The following NKAIN2 variants were observed in gnomAD, a reference collection of about 807,000 sequenced individuals.
NKAIN2 encodes the protein sodium/potassium transporting ATPase interacting 2, also known as sodium/potassium-transporting ATPase subunit beta-1-interacting protein 2.
NKAIN2 carries 14 observed loss-of-function variants against 32.6 expected under a neutral mutation model. The ratio of observed to expected loss-of-function variants is 0.43; its 90% CI spans 0.28 to 0.67. The LOEUF is 0.67. NKAIN2 is among the 30% of genes least tolerant of loss of function. The pLI, the probability that NKAIN2 is intolerant of heterozygous loss-of-function variation, is 0.17. For synonymous variants in NKAIN2, 80 were observed against 87.2 expected (o/e 0.92, Z 0.46); for missense variants, 198 against 258.3 (o/e 0.77, Z 1.60).
intron 1 of NKAIN2, among the ~76,000 whole-genome samples, chr6:124,095,550 G>C (rs1784614660): frequency 6.6e-6 from 1 of 152,044 alleles, no homozygotes; most frequent in Non-Finnish European, 1.5e-5. Flanking sequence ...CCTTTATGCA[G>C]CCTAATTTTA....
intron 4 of NKAIN2, among the ~76,000 whole-genome samples, chr6:124,762,091 A>G (rs1778295142): frequency 6.6e-6 from 1 of 152,194 alleles, no homozygotes; most frequent in African/African-American, 2.4e-5. Flanking sequence ...CTGCTATAAC[A>G]AAATACCACA....
intron 3 of NKAIN2, among the ~76,000 whole-genome samples, chr6:124,656,184 C>T (rs1784532353): frequency 6.6e-6 from 1 of 152,182 alleles, no homozygotes; most frequent in Non-Finnish European, 1.5e-5. Flanking sequence ...GGACCTGATT[C>T]TTCTGCTACC....
intron 3 of NKAIN2, among the ~76,000 whole-genome samples, chr6:124,520,109 G>C (rs1779065864): frequency 6.6e-6 from 1 of 152,106 alleles, no homozygotes; most frequent in Non-Finnish European, 1.5e-5. Flanking sequence ...ACATTCAGCT[G>C]TTGAGGCGGA....
chr6:124,220,628 A>G (rs1791765879), intron 1 of NKAIN2, among the ~76,000 whole-genome samples: 2 of 151,654 alleles, frequency 1.3e-5, no homozygotes, highest in Non-Finnish European at 2.9e-5. Context: ...ACCTAAGAAT[A>G]TGAGAAAATT....
chr6:124,078,048 C>T (rs958233363), intron 1 of NKAIN2, among the ~76,000 whole-genome samples: 5 of 152,032 alleles, frequency 3.3e-5, no homozygotes, highest in African/African-American at 7.2e-5. Flanking sequence ...TGCCTCAGTC[C>T]TCATAATTTC....
At chr6:124,151,779 T>C (rs191831521) in intron 1 of NKAIN2, among the ~76,000 whole-genome samples, 13 of 152,148 alleles carry the variant, frequency 8.5e-5, no homozygotes, top group Middle Eastern at 6.8e-3. Context: ...ATGCTTATTA[T>C]GCATCTTGAT....
chr6:124,150,559 A>T (rs1001902104), intron 1 of NKAIN2, among the ~76,000 whole-genome samples: 1 of 152,180 alleles, frequency 6.6e-6, no homozygotes, highest in African/African-American at 2.4e-5. Context: ...CATTGTAATG[A>T]TGAATTACAA....
At chr6:124,658,440 C>A in intron 4 of NKAIN2, 54 bp downstream of exon 4, 1 of 1,613,378 alleles carries the variant, frequency 6.2e-7, no homozygotes, top group Non-Finnish European at 8.5e-7. Context: ...TGTTTTATTT[C>A]TGTGCGAACT....
At chr6:124,646,680 G>A (rs1388812035) in intron 3 of NKAIN2, among the ~76,000 whole-genome samples, 1 of 152,178 alleles carries the variant, frequency 6.6e-6, no homozygotes, top group African/African-American at 2.4e-5. Flanking sequence ...GCTAGGTGCA[G>A]TGGCTCACAC....
chr6:123,920,284 G>C (rs1285516390), intron 1 of NKAIN2, among the ~76,000 whole-genome samples: 1 of 152,096 alleles, frequency 6.6e-6, no homozygotes, highest in East Asian at 1.9e-4. Context: ...GCTGGTAATG[G>C]AGTCCTGGTT....
At chr6:124,234,724 T>C (rs1397820575) in intron 1 of NKAIN2, among the ~76,000 whole-genome samples, 1 of 152,184 alleles carries the variant, frequency 6.6e-6, no homozygotes, top group Admixed American at 6.6e-5. Context: ...ATGTAGGATC[T>C]GGCCATGTAG....
intron 3 of NKAIN2, among the ~76,000 whole-genome samples, chr6:124,411,455 G>A (rs1254466203): frequency 9.2e-5 from 14 of 152,140 alleles, no homozygotes; most frequent in African/African-American, 3.4e-4. Context: ...TAGTTTGGCT[G>A]GATATGAAAT....
At chr6:124,586,053 T>C (rs1401631692) in intron 3 of NKAIN2, among the ~76,000 whole-genome samples, 1 of 152,216 alleles carries the variant, frequency 6.6e-6, no homozygotes, top group African/African-American at 2.4e-5. Flanking sequence ...TCTATTGTCT[T>C]CAAGTCAATA....
intron 4 of NKAIN2, among the ~76,000 whole-genome samples, chr6:124,752,450 C>A (rs574753601): frequency 1.3e-5 from 2 of 152,096 alleles, no homozygotes; most frequent in South Asian, 4.1e-4. Flanking sequence ...TTCAAGCTTT[C>A]TTTCTTCCTT....
intron 1 of NKAIN2, among the ~76,000 whole-genome samples, chr6:124,123,907 A>T (rs1212955195): frequency 1.3e-5 from 2 of 152,144 alleles, no homozygotes; most frequent in African/African-American, 4.8e-5. Flanking sequence ...AGAGAAATCT[A>T]AGACTCGACT....
intron 2 of NKAIN2, among the ~76,000 whole-genome samples, chr6:124,321,963 T>G (rs935653138): frequency 7.2e-5 from 11 of 152,200 alleles, no homozygotes; most frequent in African/African-American, 1.4e-4. Context: ...TTCTAAATTC[T>G]GACTTTAATA....
intron 3 of NKAIN2, among the ~76,000 whole-genome samples, chr6:124,457,138 C>A (rs369622805): frequency 1.3e-5 from 2 of 151,696 alleles, no homozygotes; most frequent in Non-Finnish European, 2.9e-5. Flanking sequence ...GGTTGGACAC[C>A]GAATGAAAAT....
chr6:123,973,548 T>C (rs1778428892), intron 1 of NKAIN2, among the ~76,000 whole-genome samples: 1 of 152,104 alleles, frequency 6.6e-6, no homozygotes, highest in Non-Finnish European at 1.5e-5. Flanking sequence ...ATTCCTAGAC[T>C]TCACATTCAA....
chr6:124,255,338 A>T (rs1381686310), intron 1 of NKAIN2, among the ~76,000 whole-genome samples: 1 of 152,186 alleles, frequency 6.6e-6, no homozygotes, highest in Non-Finnish European at 1.5e-5. Context: ...GAATTTGTGA[A>T]TCTTTCATAT....
Sources: allele counts gnomAD v4.1 joint callset (sites outside exome capture counted in the v4.1 genomes callset), GRCh38; gene constraint gnomAD v4.1.1; transcripts MANE v1.5; gene names NCBI Gene and HGNC (gene_info 2026-07-23, HGNC 2026-07-21).